Variants in OSBPL3 observed in about 807,000 individuals in gnomAD.
OSBPL3 encodes the protein oxysterol-binding protein-related protein 3.
A neutral mutation model predicts 120.1 loss-of-function variants in OSBPL3; 65 were observed. The ratio of observed to expected loss-of-function variants is 0.54; its 90% CI spans 0.44 to 0.67. OSBPL3 has a LOEUF of 0.67. Ranked by LOEUF, OSBPL3 falls within the 30% of genes least tolerant of loss-of-function variation. The pLI, the probability that OSBPL3 is intolerant of heterozygous loss-of-function variation, is 0.00. For synonymous variants in OSBPL3, 416 were observed against 402.6 expected (o/e 1.03, Z -0.40); for missense variants, 1,004 against 1,082.1 (o/e 0.93, Z 1.01).
chr7:24,958,781 G>A (rs189102176), intron 1 of OSBPL3, among the ~76,000 whole-genome samples: 1 of 152,316 alleles, frequency 6.6e-6, no homozygotes, highest in East Asian at 1.9e-4. Context: ...AACTGCATAT[G>A]TGGTTTTCAA....
Position 24,962,120 on chromosome 7 carries a change from T to C in OSBPL3, c.-150+17766A>G, listed in dbSNP as rs543578033. On this transcript the variant is annotated intron_variant, in intron 1 of 22. Coordinates refer to ENST00000313367, the MANE Select transcript of OSBPL3 (RefSeq NM_015550.4). ...GAGTTCGAGACCAGCCTGGCCAACA[T>C]GGTGAAACACCATCTCTACTAATAA... Among the ~76,000 whole-genome samples the C allele has an allele frequency of 5.4e-4, 82 of 151,816 alleles. 2 individuals are homozygous for C. The South Asian group carries it at 0.015, about 27-fold the overall frequency.
rs993623283 is a variant in OSBPL3, at chr7:24,966,755, A to C, written c.-150+13131T>G. On this transcript the variant is annotated intron_variant, in intron 1 of 22. Transcript: ENST00000313367. The surrounding 1 kb of genome is among the most constrained non-coding windows in gnomAD (Gnocchi z 4.8). ...ATGTTTGTGTATATGTATGTTTATAAGGTAAAAGAACTGCTAGTACAAACA... is the reference window on the plus strand; with the variant it reads ...ATGTTTGTGTATATGTATGTTTATACGGTAAAAGAACTGCTAGTACAAACA... Among the ~76,000 whole-genome samples the C allele has an allele frequency of 2.0e-5, 3 of 152,232 alleles. No individual in the cohort carries two copies. The East Asian group carries it at 5.8e-4, about 29-fold the overall frequency.
intron 1 of OSBPL3, among the ~76,000 whole-genome samples, chr7:24,963,089 A>T (rs1048131192): frequency 6.6e-6 from 1 of 152,200 alleles, no homozygotes; most frequent in Admixed American, 6.5e-5. Context: ...GCTTCTTGGC[A>T]TAACTGATTT....
upstream of OSBPL3, chr7:24,981,650 G>C (rs1340929590): frequency 6.5e-6 from 1 of 152,856 alleles, no homozygotes; most frequent in African/African-American, 2.4e-5. This position sits in a 1 kb window ranked among gnomAD's most constrained non-coding sequence, Gnocchi z 7.3. Flanking sequence ...TGTCTGTTTC[G>C]GATCTGGCAG....
rs1043776900 is a variant in OSBPL3 at position 24,916,919 on chromosome 7, C to CCCA, written c.-149-24299_-149-24298insTGG. On this transcript the variant is annotated intron_variant, in intron 1 of 22. Transcript: ENST00000313367. This position sits in a 1 kb window ranked among gnomAD's most constrained non-coding sequence, Gnocchi z 4.9. ...GCCACTAAGACGTCTTCCATTTCCA[C>CCCA]CCCCCCCAACCTTTTTAGAAAATTA... 2.9e-5 allele frequency among the ~76,000 whole-genome samples: 1 copy of CCCA among 34,918 alleles called. No homozygotes were observed. Among genetic ancestry groups the CCCA allele is most frequent in the Non-Finnish European group, 4.8e-5 (1 of 21,042 alleles). The allele number at this position is 34,918 out of a possible 152,430, so 22.9% of individuals were successfully genotyped here. A position where few individuals can be genotyped will look rare whatever the true frequency, so the allele number is the denominator to read the frequency against.
At chr7:24,864,452 G>A (rs1801027862) in intron 7 of OSBPL3, among the ~76,000 whole-genome samples, 1 of 152,192 alleles carries the variant, frequency 6.6e-6, no homozygotes, top group Non-Finnish European at 1.5e-5. Context: ...TGCTGCTCCA[G>A]AGACAAGGCT....
chr7:24,925,575 C>A (rs1214979318), intron 1 of OSBPL3, among the ~76,000 whole-genome samples: 1 of 152,208 alleles, frequency 6.6e-6, no homozygotes, highest in Non-Finnish European at 1.5e-5. Flanking sequence ...GCTTTCCTTT[C>A]AAGTTTAACT....
Position 24,852,646 on chromosome 7 carries a change from G to C in OSBPL3, c.1028-12C>G, listed in dbSNP as rs780659013. On this transcript the variant is annotated splice_polypyrimidine_tract_variant and intron_variant, in intron 10 of 22. Coordinates refer to ENST00000313367, the MANE Select transcript of OSBPL3 (RefSeq NM_015550.4). This position sits in a 1 kb window ranked among gnomAD's most constrained non-coding sequence, Gnocchi z 4.1. ...TAAAGTGAAGTAAACTATAGAGATA[G>C]AATCATTATAAAAAGGAATAAGGAG... is the stretch of plus-strand genomic sequence containing the variant. 1.3e-5 allele frequency: 20 copies of C among 1,525,526 alleles called. No individual in the cohort carries two copies. The East Asian group carries it at 4.2e-4, about 32-fold the overall frequency. The allele number at this position is 1,525,526 out of a possible 1,614,324, so 94.5% of individuals were successfully genotyped here.
Position 24,939,736 on chromosome 7 carries a change from A to C in OSBPL3, c.-150+40150T>G, listed in dbSNP as rs757139. Among the ~76,000 whole-genome samples, 65,055 of 151,924 alleles carry C rather than the reference A, an allele frequency of 0.43. 14,567 individuals carry two copies. Among genetic ancestry groups the C allele is most frequent in the South Asian group, 0.63 (3,022 of 4,806 alleles). On this transcript the variant is annotated intron_variant, in intron 1 of 22. Coordinates refer to ENST00000313367, the MANE Select transcript of OSBPL3 (RefSeq NM_015550.4). The surrounding 1 kb of genome is among the most constrained non-coding windows in gnomAD (Gnocchi z 4.2). ...ACATTAACAGGCCAAAATGTCATCA[A>C]GAGGCCTTGGGAGACAGTGAAGATT...
Position 24,918,025 on chromosome 7 carries a change from A to C in OSBPL3, c.-149-25404T>G. 1.0e-6 allele frequency: 1 copy of C among 961,644 alleles called. No homozygotes were observed. 59.6% of individuals were successfully genotyped at this position (961,644 alleles called of 1,614,324 possible). A position where few individuals can be genotyped will look rare whatever the true frequency, so the allele number is the denominator to read the frequency against. On this transcript the variant is annotated intron_variant, in intron 1 of 22. Transcript: ENST00000313367. This position sits in a 1 kb window ranked among gnomAD's most constrained non-coding sequence, Gnocchi z 4.3. ...TCAAATTCAGTGATCCTATGAGTCC[A>C]TAAAATGACTAGCACTCTTACCTAT...
In OSBPL3 at chr7:24,821,150, G is replaced by A. The variant is rs549664753; in HGVS notation, c.1885-912C>T. Among the ~76,000 whole-genome samples the A allele has an allele frequency of 6.6e-6, 1 of 152,342 alleles. No homozygotes were observed. The highest frequency in any genetic ancestry group is 2.1e-4 in the South Asian group (1 of 4,822). Reference sequence around the variant, plus strand: ...GGGTGTTTCCAGAAAGTTCTCTGATGTAGCTGATTCTTAACAGAGGTGTCT... The same window carrying A: ...GGGTGTTTCCAGAAAGTTCTCTGATATAGCTGATTCTTAACAGAGGTGTCT... On this transcript the variant is annotated intron_variant, in intron 16 of 22. Transcript: ENST00000313367. The surrounding 1 kb of genome is among the most constrained non-coding windows in gnomAD (Gnocchi z 5.5).
intron 2 of OSBPL3, among the ~76,000 whole-genome samples, chr7:24,886,350 G>T (rs1804530871): frequency 1.3e-5 from 2 of 152,216 alleles, no homozygotes; most frequent in Admixed American, 1.3e-4. Context: ...ACGTTCAATA[G>T]AGTAGTTCCT....
rs1467405572 is a variant in OSBPL3, at chr7:24,894,503, A to G, written c.-149-1882T>C. ...CAGTGTTGGCTGTTGCTGTTTGAGA[A>G]AGAAAAAAAAAAAATCAAAAACCTG... On this transcript the variant is annotated intron_variant, in intron 1 of 22. Coordinates refer to ENST00000313367, the MANE Select transcript of OSBPL3 (RefSeq NM_015550.4). This position sits in a 1 kb window ranked among gnomAD's most constrained non-coding sequence, Gnocchi z 4.1. 3.4e-4 allele frequency among the ~76,000 whole-genome samples: 5 copies of G among 14,672 alleles called. No individual in the cohort carries two copies. Among genetic ancestry groups the G allele is most frequent in the East Asian group, 0.029 (1 of 34 alleles). 9.6% of individuals were successfully genotyped at this position (14,672 alleles called of 152,430 possible). A position where few individuals can be genotyped will look rare whatever the true frequency, so the allele number is the denominator to read the frequency against.
intron 1 of OSBPL3, among the ~76,000 whole-genome samples, chr7:24,908,875 A>C (rs1427169786): frequency 6.6e-6 from 1 of 152,230 alleles, no homozygotes; most frequent in Non-Finnish European, 1.5e-5. Flanking sequence ...ACAAGTTAGC[A>C]AATCTCTTGC....
chr7:24,862,539 C>T lies in OSBPL3; in HGVS notation c.870+661G>A, dbSNP rs1800715444. On this transcript the variant is annotated intron_variant, in intron 9 of 22. Coordinates refer to ENST00000313367, the MANE Select transcript of OSBPL3 (RefSeq NM_015550.4). The surrounding 1 kb of genome is among the most constrained non-coding windows in gnomAD (Gnocchi z 4.4). ...AAAGTGCTTATCTTCAGTCCATAAACTACTTTGAACCAAAGAGTGTACACA... is the reference window on the plus strand; with the variant it reads ...AAAGTGCTTATCTTCAGTCCATAAATTACTTTGAACCAAAGAGTGTACACA... 6.6e-6 allele frequency among the ~76,000 whole-genome samples: 1 copy of T among 152,210 alleles called. No individual in the cohort carries two copies.
rs1420287410 is a variant in OSBPL3 at position 24,852,275 on chromosome 7, G to A, written c.1158+229C>T. ...GAAACAAAAAAATTAAGATCAGTCA[G>A]AGGAAACCAAACTTAAAGAAGGTAT... On this transcript the variant is annotated intron_variant, in intron 11 of 22. Transcript: ENST00000313367. This position sits in a 1 kb window ranked among gnomAD's most constrained non-coding sequence, Gnocchi z 4.1. 6.6e-6 allele frequency among the ~76,000 whole-genome samples: 1 copy of A among 152,162 alleles called. No homozygotes were observed. Among genetic ancestry groups the A allele is most frequent in the South Asian group, 2.1e-4 (1 of 4,822 alleles).
chr7:24,805,985 C>T lies in OSBPL3; in HGVS notation c.2444+791G>A, dbSNP rs776021915. 6.6e-6 allele frequency among the ~76,000 whole-genome samples: 1 copy of T among 152,144 alleles called. No individual in the cohort carries two copies. Among genetic ancestry groups the T allele is most frequent in the Non-Finnish European group, 1.5e-5 (1 of 68,022 alleles). ...TGTTTGTTTTGTGGGGGTGTGAGTT[C>T]TCACTGAGACACTCAGGCTGGAGAG... is the stretch of plus-strand genomic sequence containing the variant. On this transcript the variant is annotated intron_variant, in intron 21 of 22. Coordinates refer to ENST00000313367, the MANE Select transcript of OSBPL3 (RefSeq NM_015550.4). This position sits in a 1 kb window ranked among gnomAD's most constrained non-coding sequence, Gnocchi z 4.0.
chr7:24,830,737 T>C lies in OSBPL3; in HGVS notation c.1884+31A>G. 1.3e-6 allele frequency: 2 copies of C among 1,584,640 alleles called. No individual in the cohort carries two copies. The highest frequency in any genetic ancestry group is 1.7e-6 in the Non-Finnish European group (2 of 1,169,220). On this transcript the variant is annotated intron_variant, in intron 16 of 22. Coordinates refer to ENST00000313367, the MANE Select transcript of OSBPL3 (RefSeq NM_015550.4). The surrounding 1 kb of genome is among the most constrained non-coding windows in gnomAD (Gnocchi z 4.4). ...TTTAATGGGAGACATAAGCAACCCC[T>C]CCCAACAAGCAAAAAATGGTGTACA... is the stretch of plus-strand genomic sequence containing the variant.
chr7:24,934,903 A>G (rs935064134), intron 1 of OSBPL3, among the ~76,000 whole-genome samples: 1 of 152,174 alleles, frequency 6.6e-6, no homozygotes, highest in Non-Finnish European at 1.5e-5. Flanking sequence ...TTTCTACTGC[A>G]TGGGTTTGTT....
Sources: gnomAD v4.1 joint callset for allele counts (sites outside exome capture counted in the v4.1 genomes callset) on GRCh38, gnomAD v4.1.1 for gene constraint, Gnocchi (gnomAD v3.1) non-coding constraint, MANE v1.5 for transcripts, NCBI Gene and HGNC (gene_info 2026-07-23, HGNC 2026-07-21) for gene names.